The following LRRC38 variants were observed in gnomAD, a reference collection of about 807,000 sequenced individuals.
LRRC38 encodes the protein leucine rich repeat containing 38.
In LRRC38, 5 loss-of-function variants were observed where a neutral mutation model predicts 16.4. The observed-to-expected ratio is 0.31, with a 90% CI of 0.16 to 0.64. LRRC38 has a LOEUF of 0.64. LRRC38 is among the 30% of genes least tolerant of loss of function. The probability of loss-of-function intolerance (pLI) is 0.80; values close to 1 mark genes in which losing one functional copy is unlikely to be tolerated. For synonymous variants in LRRC38, 191 were observed against 190.2 expected, an observed-to-expected ratio of 1.00 and a Z score of -0.04; for missense variants, 341 against 401.8, an observed-to-expected ratio of 0.85 and a Z score of 1.29.
At chr1:13,502,558 T>C (rs1434668196) in intron 1 of LRRC38, among the ~76,000 whole-genome samples, 4 of 152,230 alleles carry the variant, frequency 2.6e-5, no homozygotes, top group African/African-American at 9.6e-5. Flanking sequence ...TCTCTCCTTG[T>C]CTGGCTGCCC....
chr1:13,513,706 G>T lies in LRRC38; in HGVS notation c.-113C>A. Reference sequence around the variant, plus strand: ...GCCGGGCGCGGGGAGCCAGAGGGCGGCCCGGGCGGGGAGGGCGTGCGCCCG... The same window carrying T: ...GCCGGGCGCGGGGAGCCAGAGGGCGTCCCGGGCGGGGAGGGCGTGCGCCCG... On this transcript the variant is annotated 5_prime_UTR_variant, in exon 1 of 2. Transcript: ENST00000376085. The T allele has an allele frequency of 1.6e-6, 1 of 640,650 alleles. No individual in the cohort carries two copies. Among genetic ancestry groups the T allele is most frequent in the African/African-American group, 2.0e-5 (1 of 50,282 alleles). The allele number at this position is 640,650 out of a possible 1,614,324, so 39.7% of individuals were successfully genotyped here.
intron 1 of LRRC38, 35 bp downstream of exon 1, chr1:13,512,928 T>TCCCCCCCCCCCCCCCCC: frequency 2.3e-6 from 1 of 435,442 alleles, no homozygotes; most frequent in South Asian, 3.4e-5. Flanking sequence ...CCTGCCCCCC[T>TCCCCCCCCCCCCCCCCC]CCCTCCCTCC....
chr1:13,513,898 G>A lies in LRRC38; in HGVS notation c.-305C>T, dbSNP rs1026480617. Reference sequence around the variant, plus strand: ...CTCTTGGGAGAGGCGGGAGCGGCAGGGGTGGCCGAGTGGCCGTCGCCAAAA... The same window carrying A: ...CTCTTGGGAGAGGCGGGAGCGGCAGAGGTGGCCGAGTGGCCGTCGCCAAAA... On this transcript the variant is annotated 5_prime_UTR_variant, in exon 1 of 2. Coordinates refer to ENST00000376085, the MANE Select transcript of LRRC38 (RefSeq NM_001010847.2). 6.6e-6 allele frequency: 1 copy of A among 152,518 alleles called. No homozygotes were observed. The highest frequency in any genetic ancestry group is 2.4e-5 in the African/African-American group (1 of 41,436). 9.4% of individuals were successfully genotyped at this position (152,518 alleles called of 1,614,324 possible). A position where few individuals can be genotyped will look rare whatever the true frequency, so the allele number is the denominator to read the frequency against.
At chr1:13,495,976 G>A (rs994835861) in intron 1 of LRRC38, among the ~76,000 whole-genome samples, 4 of 151,916 alleles carry the variant, frequency 2.6e-5, no homozygotes, top group Admixed American at 1.3e-4. Flanking sequence ...CTTACTCTCC[G>A]AATACAAAGA....
chr1:13,493,664 T>A (rs910835197), intron 1 of LRRC38, among the ~76,000 whole-genome samples: 1 of 152,078 alleles, frequency 6.6e-6, no homozygotes, highest in Non-Finnish European at 1.5e-5. Context: ...GAGAAAGAGA[T>A]ATGCCGATGC....
chr1:13,476,045 C>T lies in LRRC38; in HGVS notation c.686G>A (p.Arg229His), dbSNP rs758571054. The change falls in exon 2 of 2, where the codon CGT becomes CAT. Residue 229 changes from arginine (R) to histidine (H), a missense_variant. Physicochemically the swap from Arg to His is conservative, Grantham distance 29. Transcript: ENST00000376085. Reference protein sequence around the residue: ...LPMESRRISLRELSEASFSEC... With the variant: ...LPMESRRISLHELSEASFSEC... ...GCTGAAGCTGGCCTCCGACAGCTCA[C>T]GCAGGGATATCCTCCTGCTCTCCAT... 39 of 1,550,366 alleles carry T rather than the reference C, an allele frequency of 2.5e-5. No homozygotes were observed. Among genetic ancestry groups the T allele is most frequent in the East Asian group, 1.7e-4 (7 of 40,928 alleles).
chr1:13,484,025 C>T (rs971215741), intron 1 of LRRC38, among the ~76,000 whole-genome samples: 1 of 151,962 alleles, frequency 6.6e-6, no homozygotes, highest in African/African-American at 2.4e-5. Flanking sequence ...TCTAGTCATT[C>T]CTCTGCTCAA....
At chr1:13,482,327 A>G (rs57093041) in intron 1 of LRRC38, among the ~76,000 whole-genome samples, 12,693 of 152,134 alleles carry the variant, frequency 0.083, 687 homozygotes, top group East Asian at 0.2. Context: ...CTGTAACCCC[A>G]GCACTTTGGG....
rs1349257221 is a variant in LRRC38 at position 13,513,274 on chromosome 1, A to C, written c.320T>G (p.Val107Gly). 2 of 1,550,380 alleles carry C rather than the reference A, an allele frequency of 1.3e-6. No individual in the cohort carries two copies. Among genetic ancestry groups the C allele is most frequent in the Admixed American group, 2.0e-5 (1 of 50,978 alleles). ...EGTFSGSAKL[V>G]FLDLSYNNLT... ...GTTGTTGTAGCTGAGGTCGAGGAAC[A>C]CGAGCTTGGCCGAGCCGCTGAACGT... The change falls in exon 1 of 2, where the codon GTG becomes GGG. Residue 107 changes from valine to glycine, a missense_variant. Transcript: ENST00000376085.
chr1:13,489,541 G>A (rs1261836417), intron 1 of LRRC38, among the ~76,000 whole-genome samples: 2 of 151,786 alleles, frequency 1.3e-5, no homozygotes, highest in Non-Finnish European at 2.9e-5. Context: ...GACTCCCTGT[G>A]TAGTGCTCTT....
chr1:13,478,582 C>T (rs1638813998), intron 1 of LRRC38, among the ~76,000 whole-genome samples: 1 of 152,230 alleles, frequency 6.6e-6, no homozygotes, highest in South Asian at 2.1e-4. Context: ...TCCTTCAACT[C>T]TCAGGAAAAC....
chr1:13,513,743 G>A lies in LRRC38; in HGVS notation c.-150C>T, dbSNP rs1386682924. ...AGGGCGTGCGCCCGGGCGTGCGGGGGCGATGGAGCGCGGCGCGGACGGACT... is the reference window on the plus strand; with the variant it reads ...AGGGCGTGCGCCCGGGCGTGCGGGGACGATGGAGCGCGGCGCGGACGGACT... On this transcript the variant is annotated 5_prime_UTR_variant, in exon 1 of 2. Coordinates refer to ENST00000376085, the MANE Select transcript of LRRC38 (RefSeq NM_001010847.2). 4.6e-6 allele frequency: 1 copy of A among 219,584 alleles called. No individual in the cohort carries two copies. Among genetic ancestry groups the A allele is most frequent in the Admixed American group, 6.5e-5 (1 of 15,330 alleles). The allele number at this position is 219,584 out of a possible 1,614,324, so 13.6% of individuals were successfully genotyped here.
chr1:13,498,508 G>A (rs1042878915), intron 1 of LRRC38, among the ~76,000 whole-genome samples: 9 of 152,154 alleles, frequency 5.9e-5, no homozygotes, highest in Non-Finnish European at 1.3e-4. Context: ...GTGCATGCCT[G>A]TAGTCCCAGC....
At chr1:13,493,792 T>C (rs1234637344) in intron 1 of LRRC38, among the ~76,000 whole-genome samples, 1 of 152,178 alleles carries the variant, frequency 6.6e-6, no homozygotes, top group Admixed American at 6.5e-5. Context: ...GGGCTGGGCA[T>C]GGTGGCTCAC....
At chr1:13,510,509 T>A (rs759842044) in intron 1 of LRRC38, among the ~76,000 whole-genome samples, 37 of 152,162 alleles carry the variant, frequency 2.4e-4, no homozygotes, top group Non-Finnish European at 5.0e-4. Context: ...GGATACTGTA[T>A]CAGCCCCATT....
At chr1:13,497,237 G>A (rs1158878738) in intron 1 of LRRC38, among the ~76,000 whole-genome samples, 1 of 152,178 alleles carries the variant, frequency 6.6e-6, no homozygotes. Context: ...GACAAGCAGG[G>A]AGGGGCCGCT....
At chr1:13,497,628 CA>C (rs35035006) in intron 1 of LRRC38, among the ~76,000 whole-genome samples, 38,364 of 150,464 alleles carry the variant, frequency 0.25, 5,772 homozygotes, top group African/African-American at 0.42. Context: ...ACTTCATATG[CA>C]AAAAAAAAGG....
chr1:13,493,921 G>A (rs1639049340), intron 1 of LRRC38, among the ~76,000 whole-genome samples: 1 of 152,102 alleles, frequency 6.6e-6, no homozygotes, highest in Admixed American at 6.6e-5. Flanking sequence ...AAATTAGCTG[G>A]GTGTGCTGGC....
At chr1:13,486,111 G>A (rs940194682) in intron 1 of LRRC38, among the ~76,000 whole-genome samples, 2 of 152,002 alleles carry the variant, frequency 1.3e-5, no homozygotes, top group Non-Finnish European at 2.9e-5. Context: ...GCTAATTTTT[G>A]TAATTTTAGT....
Sources: allele counts gnomAD v4.1 joint callset (sites outside exome capture counted in the v4.1 genomes callset), GRCh38; gene constraint gnomAD v4.1.1; transcripts MANE v1.5; gene names NCBI Gene and HGNC (gene_info 2026-07-23, HGNC 2026-07-21).